Variants in FAM13A observed in about 807,000 individuals in gnomAD.
FAM13A encodes the protein family with sequence similarity 13 member A, also known as protein FAM13A.
FAM13A carries 76 observed loss-of-function variants against 129.6 expected under a neutral mutation model. That is an observed-to-expected ratio of 0.59 (90% confidence interval 0.49 to 0.71). The LOEUF (loss-of-function observed/expected upper bound fraction) is 0.71. FAM13A is among the 30% of genes least tolerant of loss of function. The pLI, the probability that FAM13A is intolerant of heterozygous loss-of-function variation, is 0.00. For synonymous variants in FAM13A, 443 were observed against 449.9 expected, an observed-to-expected ratio of 0.98 and a Z score of 0.20; for missense variants, 1,108 against 1,249.3, an observed-to-expected ratio of 0.89 and a Z score of 1.70.
In FAM13A at chr4:88,823,429, T is replaced by A. The variant is rs1043853412; in HGVS notation, c.1008-18377A>T. The A allele has an allele frequency of 4.4e-6, 3 of 677,996 alleles. No homozygotes were observed. In the African/African-American group the frequency reaches 5.8e-5, roughly 13 times the overall value. 42.0% of individuals were successfully genotyped at this position (677,996 alleles called of 1,614,324 possible). A position where few individuals can be genotyped will look rare whatever the true frequency, so the allele number is the denominator to read the frequency against. On this transcript the variant is annotated intron_variant, in intron 7 of 23. Coordinates refer to ENST00000264344, the MANE Select transcript of FAM13A (RefSeq NM_014883.4). Reference sequence around the variant, plus strand: ...GCTCCTGCTCCTCAGTGGGCTTGCCTAGTTCTGGTAACTTGAAACTTTCCT... The same window carrying A: ...GCTCCTGCTCCTCAGTGGGCTTGCCAAGTTCTGGTAACTTGAAACTTTCCT...
intron 1 of FAM13A, among the ~76,000 whole-genome samples, chr4:89,040,827 C>G (rs1179009091): frequency 3.3e-5 from 5 of 152,220 alleles, no homozygotes; most frequent in Admixed American, 1.3e-4. Context: ...ACATTTGAGT[C>G]AGTGGACTGG....
At chr4:88,867,948 A>G (rs186400738) in intron 6 of FAM13A, among the ~76,000 whole-genome samples, 3 of 152,312 alleles carry the variant, frequency 2.0e-5, no homozygotes, top group Admixed American at 1.3e-4. Context: ...GCTTTTTGAA[A>G]CTTCAAGGAA....
chr4:88,769,789 C>T (rs1170855189), intron 11 of FAM13A, among the ~76,000 whole-genome samples: 3 of 151,666 alleles, frequency 2.0e-5, no homozygotes, highest in Admixed American at 2.0e-4. Flanking sequence ...CCAAGATGCA[C>T]CACTGCACTC....
chr4:88,749,852 G>A lies in FAM13A; in HGVS notation c.1998C>T (p.Ala666=), dbSNP rs1232969760. Residue 666 remains alanine, a synonymous_variant, in exon 16 of 24, where the codon GCC becomes GCT. Coordinates refer to ENST00000264344, the MANE Select transcript of FAM13A (RefSeq NM_014883.4). ...YDDEQEDLTP[A]QLTRRIQSLK... ...GGCTCTGAATCCTTCGTGTGAGCTGGGCAGGTGTCAGGTCCTCTTGCTCAT... is the reference window on the plus strand; with the variant it reads ...GGCTCTGAATCCTTCGTGTGAGCTGAGCAGGTGTCAGGTCCTCTTGCTCAT... 1 of 1,613,936 alleles carries A rather than the reference G, an allele frequency of 6.2e-7. No individual in the cohort carries two copies. The highest frequency in any genetic ancestry group is 1.3e-5 in the African/African-American group (1 of 74,902).
intron 2 of FAM13A, among the ~76,000 whole-genome samples, chr4:89,021,910 G>C (rs1465603968): frequency 2.6e-5 from 4 of 152,180 alleles, no homozygotes; most frequent in African/African-American, 9.7e-5. Context: ...TTAGGGGGTA[G>C]GGATAGGAGA....
In FAM13A at chr4:88,843,220, A is replaced by G. The variant is rs182119377; in HGVS notation, c.1007+7800T>C. The stretch of plus-strand genomic sequence containing the variant: ...CCAGAGAGTGGAAACATCTCAGGAA[A>G]TGGCAGTTCTGCAGGGGAATTGCAT... On this transcript the variant is annotated intron_variant, in intron 7 of 23. Transcript: ENST00000264344. Among the ~76,000 whole-genome samples, 200 of 152,306 alleles carry G rather than the reference A, an allele frequency of 1.3e-3. 1 individual carries two copies. The highest frequency in any genetic ancestry group is 4.6e-3 in the African/African-American group (192 of 41,580).
chr4:89,002,455 A>C (rs980338969), intron 3 of FAM13A, among the ~76,000 whole-genome samples: 1 of 152,218 alleles, frequency 6.6e-6, no homozygotes, highest in African/African-American at 2.4e-5. Flanking sequence ...AAGTCTGCTA[A>C]GAAATAAGGA....
intron 7 of FAM13A, among the ~76,000 whole-genome samples, chr4:88,826,329 A>C (rs1247466168): frequency 1.4e-5 from 2 of 139,814 alleles, no homozygotes; most frequent in Non-Finnish European, 3.1e-5. Flanking sequence ...AAAAAAAAAA[A>C]AACCATTCCT....
intron 2 of FAM13A, 96 bp from the exon 3 acceptor site, chr4:89,020,765 T>C: frequency 1.3e-6 from 1 of 790,412 alleles, no homozygotes; most frequent in Non-Finnish European, 2.1e-6. Context: ...TCTCAGCATA[T>C]GATTCTCTCA....
At chr4:88,831,151 A>G (rs2149881699) in intron 7 of FAM13A, among the ~76,000 whole-genome samples, 1 of 152,346 alleles carries the variant, frequency 6.6e-6, no homozygotes, top group Non-Finnish European at 1.5e-5. Flanking sequence ...GTTAGTGATT[A>G]TTGCCAATAA....
At chr4:88,883,226 C>T (rs535168095) in intron 6 of FAM13A, among the ~76,000 whole-genome samples, 1 of 152,016 alleles carries the variant, frequency 6.6e-6, no homozygotes, top group Admixed American at 6.5e-5. Context: ...TATTCATCAA[C>T]ACATGGAACA....
At chr4:88,837,683 A>G (rs924793536) in intron 7 of FAM13A, among the ~76,000 whole-genome samples, 8 of 140,658 alleles carry the variant, frequency 5.7e-5, no homozygotes, top group Non-Finnish European at 1.1e-4. Context: ...ACACCATTGC[A>G]CTCCAGCCTG....
chr4:88,740,147 T>C (rs1281563812), intron 19 of FAM13A, among the ~76,000 whole-genome samples: 1 of 152,228 alleles, frequency 6.6e-6, no homozygotes, highest in African/African-American at 2.4e-5. Flanking sequence ...CATGGCTTCC[T>C]CTTTGCTCTT....
chr4:88,727,371 G>T lies in FAM13A; in HGVS notation c.*1162C>A, dbSNP rs1009712887. On this transcript the variant is annotated 3_prime_UTR_variant, in exon 24 of 24. Transcript: ENST00000264344. ...TGGTCCCTCCAAAATGTCTAATATAGACAGTTTTGTGACAAAGTCTTTGAA... is the reference window on the plus strand; with the variant it reads ...TGGTCCCTCCAAAATGTCTAATATATACAGTTTTGTGACAAAGTCTTTGAA... The T allele has an allele frequency of 1.3e-5, 2 of 152,534 alleles. No individual in the cohort carries two copies. The highest frequency in any genetic ancestry group is 2.9e-5 in the Non-Finnish European group (2 of 68,024). 9.4% of individuals were successfully genotyped at this position (152,534 alleles called of 1,614,324 possible).
chr4:88,823,118 C>A, intron 7 of FAM13A: 1 of 1,535,976 alleles, frequency 6.5e-7, no homozygotes, highest in Non-Finnish European at 8.7e-7. Flanking sequence ...GGGCATGAGG[C>A]TGCACCGCAC....
intron 1 of FAM13A, among the ~76,000 whole-genome samples, chr4:89,036,218 A>T (rs1239305363): frequency 6.6e-6 from 1 of 152,208 alleles, no homozygotes; most frequent in Non-Finnish European, 1.5e-5. Flanking sequence ...GTCCAGGCTG[A>T]GGAGGTCTCA....
intron 6 of FAM13A, among the ~76,000 whole-genome samples, chr4:88,868,262 T>C (rs554379816): frequency 1.3e-5 from 2 of 152,286 alleles, no homozygotes; most frequent in Non-Finnish European, 2.9e-5. Context: ...ACAGACTCCA[T>C]GCCCCCAAAA....
At position 89,028,137 on chromosome 4, in the gene FAM13A, T is replaced by C. The variant is rs550466773; in HGVS notation, c.217+1323A>G. Among the ~76,000 whole-genome samples, 7 of 142,460 alleles carry C rather than the reference T, an allele frequency of 4.9e-5. No individual in the cohort carries two copies. The South Asian group carries it at 1.1e-3, about 23-fold the overall frequency. The allele number at this position is 142,460 out of a possible 152,430, so 93.5% of individuals were successfully genotyped here. On this transcript the variant is annotated intron_variant, in intron 2 of 23. Coordinates refer to ENST00000264344, the MANE Select transcript of FAM13A (RefSeq NM_014883.4). ...AGGAGAATTGCTTGAACCCGGGAGGTAGAGGTTGCAGTGAGCCAAGATTAC... is the reference window on the plus strand; with the variant it reads ...AGGAGAATTGCTTGAACCCGGGAGGCAGAGGTTGCAGTGAGCCAAGATTAC...
At chr4:88,766,112 A>T (rs972011653) in intron 13 of FAM13A, among the ~76,000 whole-genome samples, 4 of 152,268 alleles carry the variant, frequency 2.6e-5, no homozygotes, top group Middle Eastern at 3.4e-3. Flanking sequence ...CTTTTATCTC[A>T]CAAAAGAAAA....
Sources: gnomAD v4.1 joint callset for allele counts (sites outside exome capture counted in the v4.1 genomes callset) on GRCh38, gnomAD v4.1.1 for gene constraint, MANE v1.5 for transcripts, NCBI Gene and HGNC (gene_info 2026-07-23, HGNC 2026-07-21) for gene names.